The following ACO2 variants were observed in gnomAD, a reference collection of about 807,000 sequenced individuals.
ACO2 encodes the protein aconitate hydratase, mitochondrial.
ACO2 carries 31 observed loss-of-function variants against 84.5 expected under a neutral mutation model. The ratio of observed to expected loss-of-function variants is 0.37; its 90% CI spans 0.28 to 0.50. ACO2 has a LOEUF of 0.50. Among genes scored for constraint, ACO2 ranks in the 20% least tolerant of loss-of-function variants. The pLI, the probability that ACO2 is intolerant of heterozygous loss-of-function variation, is 0.97. For missense variants in ACO2, 685 were observed against 1,029.3 expected, an observed-to-expected ratio of 0.67 and a Z score of 4.58; for synonymous variants, 414 against 412.7, an observed-to-expected ratio of 1.00 and a Z score of -0.04.
chr22:41,475,448 T>C (rs1202191835), intron 1 of ACO2, among the ~76,000 whole-genome samples: 6 of 152,080 alleles, frequency 3.9e-5, no homozygotes, highest in Admixed American at 3.9e-4. Context: ...TGTGCCTGGC[T>C]AGTGGGAAGA....
chr22:41,474,350 G>C (rs2146076515), intron 1 of ACO2, among the ~76,000 whole-genome samples: 1 of 147,254 alleles, frequency 6.8e-6, no homozygotes, highest in South Asian at 2.2e-4. Flanking sequence ...CTGGGGTGCA[G>C]TGGCGCGATC....
chr22:41,524,267 C>T (rs372566430), intron 12 of ACO2, among the ~76,000 whole-genome samples: 1 of 152,196 alleles, frequency 6.6e-6, no homozygotes, highest in African/African-American at 2.4e-5. Flanking sequence ...CCGTAATCCT[C>T]GGGATTACCT....
At chr22:41,474,289 A>ATTTTT (rs755814518) in intron 1 of ACO2, among the ~76,000 whole-genome samples, 1 of 119,236 alleles carries the variant, frequency 8.4e-6, no homozygotes, top group African/African-American at 3.5e-5. Context: ...GTTTGCAGTC[A>ATTTTT]TTTTTTTTTT....
intron 4 of ACO2, 63 bp downstream of exon 4, chr22:41,512,031 T>TG: frequency 7.3e-7 from 1 of 1,362,476 alleles, no homozygotes; most frequent in Non-Finnish European, 1.0e-6. Context: ...TCCAGGCCTA[T>TG]GGGGGGAGGG....
Position 41,525,195 on chromosome 22 carries a change from G to T in ACO2, c.1608G>T (p.Glu536Asp), listed in dbSNP as rs773653287. The T allele has an allele frequency of 1.2e-6, 2 of 1,613,738 alleles. No homozygotes were observed. Among genetic ancestry groups the T allele is most frequent in the African/African-American group, 2.7e-5 (2 of 74,916 alleles). ...CGCATCCCCATTCCCTGCTGCAGGA[G>T]TTTGACCCAGGGCAGGACACCTACC... ...APDADELPKG[E>D]FDPGQDTYQH... Residue 536 changes from glutamate (E) to aspartate (D), a missense_variant and splice_region_variant, in exon 14 of 18, where the codon GAG becomes GAT. Around this residue, in one of 5 missense-constraint regions of ACO2, gnomAD observed 311 missense variants for 441.6 expected, o/e 0.70. Coordinates refer to ENST00000216254, the MANE Select transcript of ACO2 (RefSeq NM_001098.3).
At chr22:41,482,000 A>G (rs1277681951) in intron 1 of ACO2, among the ~76,000 whole-genome samples, 3 of 152,152 alleles carry the variant, frequency 2.0e-5, no homozygotes, top group Non-Finnish European at 4.4e-5. Flanking sequence ...ACTTGGCACA[A>G]TTGTTAGGGT....
Position 41,515,290 on chromosome 22 carries a change from T to G in ACO2, c.526-87T>G, listed in dbSNP as rs1601916725. ...TCCATCCTGGGAGAGTGGCTGGACG[T>G]GGTTGGGAGGCCCCGGGTCAGTGGG... On this transcript the variant is annotated intron_variant, in intron 4 of 17. Coordinates refer to ENST00000216254, the MANE Select transcript of ACO2 (RefSeq NM_001098.3). The surrounding 1 kb of genome is among the most constrained non-coding windows in gnomAD (Gnocchi z 5.8). 11 of 1,469,166 alleles carry G rather than the reference T, an allele frequency of 7.5e-6. No individual in the cohort carries two copies. Among genetic ancestry groups the G allele is most frequent in the Non-Finnish European group, 1.0e-5 (11 of 1,053,982 alleles). 91.0% of individuals were successfully genotyped at this position (1,469,166 alleles called of 1,614,324 possible).
chr22:41,498,579 AC>A (rs2066331829), intron 1 of ACO2, among the ~76,000 whole-genome samples: 1 of 151,858 alleles, frequency 6.6e-6, no homozygotes, highest in South Asian at 2.1e-4. Context: ...GCTCACTCAC[AC>A]CTGGCAAGGT....
In ACO2 at chr22:41,524,834, C is replaced by A; in HGVS notation, c.1483-12C>A. ...TTGGTGCTGACCAACAAACTGGCCA[C>A]CTCCATTTCAGATTGTCACAGCCCT... On this transcript the variant is annotated splice_polypyrimidine_tract_variant and intron_variant, in intron 12 of 17. Transcript: ENST00000216254. 6.2e-7 allele frequency: 1 copy of A among 1,614,162 alleles called. No individual in the cohort carries two copies. Among genetic ancestry groups the A allele is most frequent in the Non-Finnish European group, 8.5e-7 (1 of 1,180,038 alleles).
rs1374842469 is a variant in ACO2, at chr22:41,520,284, C to A, written c.1138+8C>A. ...CTCTGGACATCCGAGTGGGTGAGCA[C>A]CTTCCACCCCATCTGTTTAGCAGGT... On this transcript the variant is annotated splice_region_variant and intron_variant, in intron 9 of 17. Transcript: ENST00000216254. The A allele has an allele frequency of 1.2e-6, 2 of 1,608,786 alleles. No homozygotes were observed. The highest frequency in any genetic ancestry group is 8.5e-7 in the Non-Finnish European group (1 of 1,175,368).
At chr22:41,490,400 CTAAT>C (rs1035704102) in intron 1 of ACO2, among the ~76,000 whole-genome samples, 1 of 152,158 alleles carries the variant, frequency 6.6e-6, no homozygotes, top group Non-Finnish European at 1.5e-5. Flanking sequence ...TTCATTAGTA[CTAAT>C]TATGTTCATA....
chr22:41,480,113 A>G (rs1239128688), intron 1 of ACO2, among the ~76,000 whole-genome samples: 3 of 152,202 alleles, frequency 2.0e-5, no homozygotes, highest in Admixed American at 2.0e-4. Context: ...GGCATCGCCT[A>G]CCAGGAGGGG....
intron 13 of ACO2, 44 bp from the exon 14 acceptor site, chr22:41,525,149 A>G: frequency 6.2e-7 from 1 of 1,606,664 alleles, no homozygotes. Context: ...TCCTTGTGGG[A>G]ACTGAGGACT....
chr22:41,524,249 CTG>C (rs2066555709), intron 12 of ACO2, among the ~76,000 whole-genome samples: 1 of 152,360 alleles, frequency 6.6e-6, no homozygotes, highest in East Asian at 1.9e-4. Flanking sequence ...CTTACCTTCT[CTG>C]TGTCCCCGTA....
At chr22:41,527,113 T>C in intron 15 of ACO2, 175 bp from the exon 16 acceptor site, 2 of 922,418 alleles carry the variant, frequency 2.2e-6, no homozygotes, top group East Asian at 2.6e-5. Flanking sequence ...TTGGGTCTCA[T>C]TCACGCAGGC....
chr22:41,481,341 C>T (rs1312431558), intron 1 of ACO2, among the ~76,000 whole-genome samples: 2 of 152,200 alleles, frequency 1.3e-5, no homozygotes, highest in Non-Finnish European at 2.9e-5. Context: ...AAGCAACTGT[C>T]TCAAGAGACC....
intron 1 of ACO2, among the ~76,000 whole-genome samples, chr22:41,487,855 G>A (rs577859711): frequency 2.0e-5 from 3 of 152,052 alleles, no homozygotes; most frequent in South Asian, 2.1e-4. Context: ...TCCCCATTTC[G>A]TTTATAGCAA....
intron 1 of ACO2, among the ~76,000 whole-genome samples, chr22:41,495,626 C>CT (rs5845503): frequency 0.77 from 113,132 of 145,996 alleles, 44,186 homozygotes; most frequent in East Asian, 0.94. Context: ...ATTTTTATTT[C>CT]TTTTTTTTTT....
rs200592234 is a variant in ACO2, at chr22:41,524,914, G to A, written c.1551G>A (p.Thr517=). The change falls in exon 13 of 18, where the codon ACG becomes ACA. Residue 517 remains threonine, a synonymous_variant. Coordinates refer to ENST00000216254, the MANE Select transcript of ACO2 (RefSeq NM_001098.3). The part of the protein sequence containing the change: ...FNPETDYLTG[T]DGKKFRLEAP... ...CAGAGACCGACTACCTGACGGGCAC[G>A]GATGGCAAGAAGTTCAGGCTGGAGG... The A allele has an allele frequency of 1.5e-5, 25 of 1,614,196 alleles. No homozygotes were observed. The highest frequency in any genetic ancestry group is 7.7e-5 in the South Asian group (7 of 91,088).
Sources: gnomAD v4.1 joint callset for allele counts (sites outside exome capture counted in the v4.1 genomes callset) on GRCh38, gnomAD v4.1.1 for gene constraint, gnomAD v4.1.1 regional missense constraint, Gnocchi (gnomAD v3.1) non-coding constraint, MANE v1.5 for transcripts, NCBI Gene and HGNC (gene_info 2026-07-23, HGNC 2026-07-21) for gene names.